AGBL1: variants seen among roughly 807,000 people sequenced by gnomAD.
AGBL1 encodes the protein AGBL carboxypeptidase 1.
AGBL1 carries 130 observed loss-of-function variants against 118.9 expected under a neutral mutation model. The ratio of observed to expected loss-of-function variants is 1.09; its 90% CI spans 0.95 to 1.26. AGBL1 has a LOEUF of 1.26. Among genes scored for constraint, AGBL1 ranks in the 50% most tolerant of loss-of-function variants. AGBL1 has a pLI of 0.00. For synonymous variants in AGBL1, 555 were observed against 478.9 expected, an observed-to-expected ratio of 1.16 and a Z score of -2.08; for missense variants, 1,584 against 1,298.1, an observed-to-expected ratio of 1.22 and a Z score of -3.38.
Position 86,367,217 on chromosome 15 carries a change from TC to T in AGBL1, c.2375-30147del, listed in dbSNP as rs1183957082. ...AATGGAATCTTTAAGCATGGTTTTA[TC>T]CAAAAACTAAACAATGCCCTCAGAA... On this transcript the variant is annotated intron_variant, in intron 17 of 22. Transcript: ENST00000614907. 7.2e-5 allele frequency among the ~76,000 whole-genome samples: 11 copies of T among 152,342 alleles called. No homozygotes were observed. The South Asian group carries it at 2.1e-3, about 29-fold the overall frequency.
intron 23 of AGBL1, among the ~76,000 whole-genome samples, chr15:86,940,060 C>CTTTTTTTTTTTTTTTTTTT (rs5814267): frequency 1.7e-5 from 1 of 59,420 alleles, no homozygotes; most frequent in Non-Finnish European, 3.1e-5. Flanking sequence ...TTTGGTAGTC[C>CTTTTTTTTTTTTTTTTTTT]TTTTTTTTTT....
intron 22 of AGBL1, among the ~76,000 whole-genome samples, chr15:86,703,243 T>C (rs2086391015): frequency 6.6e-6 from 1 of 152,164 alleles, no homozygotes; most frequent in African/African-American, 2.4e-5. Context: ...GACGAATAGA[T>C]ATACATCAAG....
chr15:86,335,587 C>A (rs1673736636), intron 17 of AGBL1, among the ~76,000 whole-genome samples: 1 of 152,094 alleles, frequency 6.6e-6, no homozygotes, highest in Non-Finnish European at 1.5e-5. Flanking sequence ...CTTGAACACA[C>A]CAAAGTGAAG....
At chr15:86,850,777 TTTAC>T (rs1567206455) in intron 22 of AGBL1, among the ~76,000 whole-genome samples, 1 of 152,186 alleles carries the variant, frequency 6.6e-6, no homozygotes, top group Admixed American at 6.5e-5. Flanking sequence ...ATAGCAAGTA[TTTAC>T]TTACTATGCT....
At chr15:86,881,946 C>T (rs370497705) in intron 22 of AGBL1, among the ~76,000 whole-genome samples, 2 of 152,112 alleles carry the variant, frequency 1.3e-5, no homozygotes, top group African/African-American at 4.8e-5. Flanking sequence ...CCCCACGATC[C>T]AATCGCCTCC....
At chr15:86,228,781 T>G (rs2078407907) in intron 6 of AGBL1, among the ~76,000 whole-genome samples, 1 of 152,076 alleles carries the variant, frequency 6.6e-6, no homozygotes, top group Non-Finnish European at 1.5e-5. Context: ...AAAAGAAAAA[T>G]GAACAAACAC....
chr15:86,817,487 C>CACAT, intron 22 of AGBL1, among the ~76,000 whole-genome samples: 1 of 149,120 alleles, frequency 6.7e-6, no homozygotes, highest in South Asian at 2.1e-4. Flanking sequence ...CACACACACA[C>CACAT]ACACAGAGGA....
intron 22 of AGBL1, among the ~76,000 whole-genome samples, chr15:86,850,055 C>A (rs548452796): frequency 6.6e-6 from 1 of 152,280 alleles, no homozygotes; most frequent in Non-Finnish European, 1.5e-5. Context: ...AAGGTAGTCA[C>A]CTATGTGCTG....
intron 23 of AGBL1, among the ~76,000 whole-genome samples, chr15:86,964,817 T>C (rs1208214934): frequency 6.6e-6 from 1 of 151,686 alleles, no homozygotes; most frequent in East Asian, 2.0e-4. Context: ...GTGTGTAACA[T>C]TGCCCTCCCT....
chr15:86,393,008 T>C lies in AGBL1; in HGVS notation c.2375-4358T>C, dbSNP rs144758035. On this transcript the variant is annotated intron_variant, in intron 17 of 22. Coordinates refer to ENST00000614907, the MANE Select transcript of AGBL1 (RefSeq NM_001386094.1). ...TCTGGAGTACCATTTGCTGCTACAA[T>C]TGAATGGTCTTGTAAGTTTAACTTA... Among the ~76,000 whole-genome samples the C allele has an allele frequency of 6.6e-5, 10 of 152,252 alleles. No homozygotes were observed. In the East Asian group the frequency reaches 1.9e-3, roughly 29 times the overall value.
At chr15:86,111,958 C>T (rs796906785) in intron 1 of AGBL1, among the ~76,000 whole-genome samples, 43 of 152,250 alleles carry the variant, frequency 2.8e-4, no homozygotes, top group Non-Finnish European at 3.8e-4. Context: ...TCGTGAACTG[C>T]GCCTGTGAGG....
chr15:86,601,857 A>G (rs188831126), intron 21 of AGBL1, among the ~76,000 whole-genome samples: 31 of 152,318 alleles, frequency 2.0e-4, no homozygotes, highest in Admixed American at 9.8e-4. Context: ...GGAGACAGAC[A>G]GGATAAATAT....
intron 17 of AGBL1, among the ~76,000 whole-genome samples, chr15:86,314,144 A>G (rs915331465): frequency 1.3e-5 from 2 of 152,180 alleles, no homozygotes; most frequent in Non-Finnish European, 1.5e-5. Context: ...GATATGCCCA[A>G]GGGTATTTTA....
At chr15:86,577,168 T>A (rs1339217068) in intron 21 of AGBL1, among the ~76,000 whole-genome samples, 1 of 152,128 alleles carries the variant, frequency 6.6e-6, no homozygotes, top group Non-Finnish European at 1.5e-5. Context: ...ATGCTTATAG[T>A]GATATGGACA....
chr15:86,719,826 C>T lies in AGBL1; in HGVS notation c.3158+45390C>T, dbSNP rs1346999343. 3.3e-5 allele frequency among the ~76,000 whole-genome samples: 5 copies of T among 152,190 alleles called. No individual in the cohort carries two copies. The East Asian group carries it at 9.6e-4, about 29-fold the overall frequency. On this transcript the variant is annotated intron_variant, in intron 22 of 22. Coordinates refer to ENST00000614907, the MANE Select transcript of AGBL1 (RefSeq NM_001386094.1). The stretch of plus-strand genomic sequence containing the variant: ...GATTTATTTCTGTTAGATGGAAATA[C>T]CCGTGCCTGTTTAGCAAGGTGGGAG...
intron 18 of AGBL1, among the ~76,000 whole-genome samples, chr15:86,447,540 G>T (rs573251546): frequency 1.3e-5 from 2 of 152,302 alleles, no homozygotes; most frequent in South Asian, 4.1e-4. Flanking sequence ...AGCAACATCA[G>T]TCAAAGTGTT....
intron 23 of AGBL1, among the ~76,000 whole-genome samples, chr15:86,952,579 G>A (rs1246642463): frequency 1.3e-5 from 2 of 152,062 alleles, no homozygotes; most frequent in Admixed American, 1.3e-4. Context: ...GATTCTGGAT[G>A]TTCGAACTTT....
chr15:87,012,507 T>C (rs960128912), intron 24 of AGBL1, among the ~76,000 whole-genome samples: 1 of 152,082 alleles, frequency 6.6e-6, no homozygotes, highest in Non-Finnish European at 1.5e-5. Flanking sequence ...AGAAGGAAAT[T>C]GTTCACAGTC....
intron 3 of AGBL1, among the ~76,000 whole-genome samples, chr15:86,150,479 G>C: frequency 6.6e-6 from 1 of 152,158 alleles, no homozygotes; most frequent in Non-Finnish European, 1.5e-5. Flanking sequence ...ACTACCATCA[G>C]AGAATACTAT....
Sources: allele counts gnomAD v4.1 joint callset (sites outside exome capture counted in the v4.1 genomes callset), GRCh38; gene constraint gnomAD v4.1.1; transcripts MANE v1.5; gene names NCBI Gene and HGNC (gene_info 2026-07-23, HGNC 2026-07-21).